CYFIP1: variants seen among roughly 807,000 people sequenced by gnomAD.
The protein encoded by CYFIP1 is cytoplasmic FMR1 interacting protein 1.
CYFIP1 carries 58 observed loss-of-function variants against 163.5 expected under a neutral mutation model. The observed-to-expected ratio is 0.35, with a 90% confidence interval of 0.29 to 0.44. CYFIP1 has a LOEUF of 0.44. Among genes scored for constraint, CYFIP1 ranks in the 20% least tolerant of loss-of-function variants. CYFIP1 has a pLI of 1.00. For missense variants in CYFIP1, 1,338 were observed against 1,653.8 expected (o/e 0.81, Z 3.31); for synonymous variants, 663 against 660.7 (o/e 1.00, Z -0.05).
intron 26 of CYFIP1, 59 bp from the exon 27 acceptor site, chr15:22,875,330 G>A (rs1301609061): frequency 6.7e-7 from 1 of 1,484,916 alleles, no homozygotes; most frequent in East Asian, 2.3e-5. Flanking sequence ...GAGCAATCTG[G>A]TGCTGAAAAC....
intron 1 of CYFIP1, chr15:22,951,353 TC>T: frequency 1.6e-6 from 2 of 1,214,398 alleles, no homozygotes; most frequent in South Asian, 1.4e-5. Flanking sequence ...TCCACACACC[TC>T]AGAAAGGAGC....
At chr15:22,964,797 G>A (rs1170677100) in intron 1 of CYFIP1, among the ~76,000 whole-genome samples, 2 of 152,146 alleles carry the variant, frequency 1.3e-5, no homozygotes, top group East Asian at 1.9e-4. Flanking sequence ...GCCGAGAAAC[G>A]GCAGGAGATG....
chr15:22,979,257 G>A lies in CYFIP1; in HGVS notation c.-7+1030C>T, dbSNP rs564485213. ...CTTGGAAAACCGCTGGCCACCCGCAGGGAAAAGGCAGCATGCGTGGGGCCC... is the reference window on the plus strand; with the variant it reads ...CTTGGAAAACCGCTGGCCACCCGCAAGGAAAAGGCAGCATGCGTGGGGCCC... On this transcript the variant is annotated intron_variant, in intron 1 of 30. Transcript: ENST00000617928. 2.8e-4 allele frequency among the ~76,000 whole-genome samples: 43 copies of A among 152,304 alleles called. 1 individual carries two copies. In the South Asian group the frequency reaches 8.9e-3, roughly 32 times the overall value.
intron 27 of CYFIP1, among the ~76,000 whole-genome samples, chr15:22,874,883 G>C (rs898555167): frequency 1.3e-5 from 2 of 152,132 alleles, no homozygotes; most frequent in Non-Finnish European, 2.9e-5. Context: ...ATCGAAAGCA[G>C]AAAATGGCAC....
intron 30 of CYFIP1, among the ~76,000 whole-genome samples, chr15:22,871,003 T>G (rs953468413): frequency 3.3e-5 from 5 of 152,156 alleles, no homozygotes; most frequent in Admixed American, 2.6e-4. Flanking sequence ...CAGGGGCAGA[T>G]GCCAACAGCG....
chr15:22,923,673 G>A (rs1217848801), intron 13 of CYFIP1, among the ~76,000 whole-genome samples: 1 of 152,112 alleles, frequency 6.6e-6, no homozygotes, highest in African/African-American at 2.4e-5. Context: ...GGCTGGGCAT[G>A]GTGGCTCACC....
chr15:22,869,116 C>T lies in CYFIP1; in HGVS notation c.*912G>A, dbSNP rs1473503779. ...ATCGGGGACAGCTGAAGGCTGGACT[C>T]GGTGCTCCCGGTCCCTTTGTGCAGC... On this transcript the variant is annotated 3_prime_UTR_variant, in exon 31 of 31. Coordinates refer to ENST00000617928, the MANE Select transcript of CYFIP1 (RefSeq NM_014608.6). 4 of 152,178 alleles carry T rather than the reference C, an allele frequency of 2.6e-5. No homozygotes were observed. The highest frequency in any genetic ancestry group is 4.4e-5 in the Non-Finnish European group (3 of 68,044). The allele number at this position is 152,178 out of a possible 1,614,324, so 9.4% of individuals were successfully genotyped here.
At chr15:22,942,714 C>G (rs568817845) in intron 6 of CYFIP1, among the ~76,000 whole-genome samples, 15 of 152,310 alleles carry the variant, frequency 9.8e-5, no homozygotes, top group Non-Finnish European at 1.5e-4. Flanking sequence ...CGGGCCACGT[C>G]TGCACATTGC....
At chr15:22,963,984 A>G (rs1285053162) in intron 1 of CYFIP1, among the ~76,000 whole-genome samples, 1 of 152,120 alleles carries the variant, frequency 6.6e-6, no homozygotes, top group African/African-American at 2.4e-5. Context: ...GGATGGGCCA[A>G]ACTAATTTAT....
intron 17 of CYFIP1, among the ~76,000 whole-genome samples, chr15:22,914,109 G>A (rs907322111): frequency 6.6e-6 from 1 of 152,166 alleles, no homozygotes; most frequent in Non-Finnish European, 1.5e-5. Flanking sequence ...GAACAAAGCT[G>A]TTCAATCAAT....
intron 13 of CYFIP1, among the ~76,000 whole-genome samples, chr15:22,925,679 C>T (rs997022349): frequency 6.6e-6 from 1 of 152,180 alleles, no homozygotes. Context: ...AGCAAGACAG[C>T]TCTTCTCTCT....
At chr15:22,874,235 C>G (rs1009781852) in intron 28 of CYFIP1, among the ~76,000 whole-genome samples, 1 of 152,202 alleles carries the variant, frequency 6.6e-6, no homozygotes, top group African/African-American at 2.4e-5. Flanking sequence ...TGCCTCCTGG[C>G]CTAATTTCTT....
intron 1 of CYFIP1, among the ~76,000 whole-genome samples, chr15:22,947,727 T>C (rs112999591): frequency 6.6e-6 from 1 of 152,078 alleles, no homozygotes; most frequent in Admixed American, 6.5e-5. Flanking sequence ...TCCCAGGTGG[T>C]GCCTCCAAAC....
At chr15:22,905,117 C>T (rs2060526686) in intron 21 of CYFIP1, 1 of 152,156 alleles carries the variant, frequency 6.6e-6, no homozygotes, top group African/African-American at 2.4e-5. Context: ...CCAAGGACTT[C>T]TTCCTCACCT....
At chr15:22,974,871 A>G (rs2063213019) in intron 1 of CYFIP1, among the ~76,000 whole-genome samples, 2 of 152,116 alleles carry the variant, frequency 1.3e-5, no homozygotes, top group Non-Finnish European at 1.5e-5. Context: ...TTTTCCAGTA[A>G]AAGTTACACG....
At chr15:22,945,433 T>G (rs1878983909) in intron 3 of CYFIP1, among the ~76,000 whole-genome samples, 1 of 152,208 alleles carries the variant, frequency 6.6e-6, no homozygotes, top group Admixed American at 6.5e-5. Flanking sequence ...ACTTAAAATC[T>G]AGGTAGAGAG....
chr15:22,896,030 G>A (rs561891160), intron 22 of CYFIP1, among the ~76,000 whole-genome samples: 271 of 152,294 alleles, frequency 1.8e-3, no homozygotes, highest in African/African-American at 6.3e-3. Flanking sequence ...TGTGTCACCT[G>A]AAGAGCTGGG....
chr15:22,980,188 C>T (rs558970310), intron 1 of CYFIP1, 99 bp downstream of exon 1: 1 of 148,948 alleles, frequency 6.7e-6, no homozygotes, highest in South Asian at 2.1e-4. Flanking sequence ...GGGGGGGGTC[C>T]GTCCCGGCCC....
chr15:22,898,800 A>G lies in CYFIP1; in HGVS notation c.2588+4906T>C, dbSNP rs1466122307. Among the ~76,000 whole-genome samples, 7 of 152,138 alleles carry G rather than the reference A, an allele frequency of 4.6e-5. No individual in the cohort carries two copies. The Middle Eastern group carries it at 0.014, about 296-fold the overall frequency. ...GGGCGGATTATGAGGTCAGGAGATCAAGACCATCCTGGCTAAAATGGTGAA... is the reference window on the plus strand; with the variant it reads ...GGGCGGATTATGAGGTCAGGAGATCGAGACCATCCTGGCTAAAATGGTGAA... On this transcript the variant is annotated intron_variant, in intron 22 of 30. Transcript: ENST00000617928.
Sources: allele counts gnomAD v4.1 joint callset (sites outside exome capture counted in the v4.1 genomes callset), GRCh38; gene constraint gnomAD v4.1.1; transcripts MANE v1.5; gene names NCBI Gene and HGNC (gene_info 2026-07-23, HGNC 2026-07-21).